STAM2: variants seen among roughly 807,000 people sequenced by gnomAD.
STAM2 encodes signal transducing adaptor molecule 2.
Under a neutral mutation model 65.6 loss-of-function variants are expected in STAM2, and 51 were observed. That is an observed-to-expected ratio of 0.78 (90% CI 0.62 to 0.98). The LOEUF (loss-of-function observed/expected upper bound fraction) is 0.98. Among genes scored for constraint, STAM2 ranks in the 50% least tolerant of loss-of-function variants. The pLI is 0.00. For synonymous variants in STAM2, 198 were observed against 208.4 expected, an observed-to-expected ratio of 0.95 and a Z score of 0.43; for missense variants, 584 against 617.8, an observed-to-expected ratio of 0.95 and a Z score of 0.58.
At chr2:152,160,497 C>T (rs1441036849) in intron 1 of STAM2, among the ~76,000 whole-genome samples, 5 of 151,968 alleles carry the variant, frequency 3.3e-5, no homozygotes, top group Non-Finnish European at 7.4e-5. Flanking sequence ...GCCCGGCAGC[C>T]GCCCCGTCTG....
intron 8 of STAM2, among the ~76,000 whole-genome samples, chr2:152,134,703 C>G (rs1689122766): frequency 2.6e-5 from 4 of 152,056 alleles, no homozygotes; most frequent in Non-Finnish European, 5.9e-5. Flanking sequence ...ATCTGTAAGA[C>G]AGGGCAACAA....
chr2:152,157,412 G>A (rs1440839943), intron 1 of STAM2, among the ~76,000 whole-genome samples: 2 of 152,174 alleles, frequency 1.3e-5, no homozygotes, highest in East Asian at 3.8e-4. Flanking sequence ...AGTAATTGTT[G>A]TTAAATGAGG....
intron 1 of STAM2, among the ~76,000 whole-genome samples, chr2:152,161,514 A>C (rs1001347397): frequency 4.0e-5 from 6 of 151,496 alleles, no homozygotes; most frequent in Non-Finnish European, 4.4e-5. Context: ...AAAAAAAAAA[A>C]AACATTATAT....
chr2:152,136,664 T>C (rs575737315), intron 7 of STAM2, among the ~76,000 whole-genome samples: 1 of 152,202 alleles, frequency 6.6e-6, no homozygotes, highest in South Asian at 2.1e-4. Context: ...TAATTTTATA[T>C]ATTAATACTT....
intron 7 of STAM2, among the ~76,000 whole-genome samples, chr2:152,137,107 C>T (rs1466141644): frequency 6.6e-6 from 1 of 152,018 alleles, no homozygotes; most frequent in Non-Finnish European, 1.5e-5. Flanking sequence ...CCAGGCTGGT[C>T]TCAAACTTTA....
chr2:152,150,052 T>TAG (rs1689413121), intron 2 of STAM2, 93 bp downstream of exon 2: 2 of 839,094 alleles, frequency 2.4e-6, no homozygotes, highest in East Asian at 5.2e-5. Context: ...TCAACTGTGA[T>TAG]AAAGTCTCAT....
chr2:152,121,726 C>T (rs1688856327), intron 13 of STAM2, among the ~76,000 whole-genome samples: 1 of 152,178 alleles, frequency 6.6e-6, no homozygotes, highest in Non-Finnish European at 1.5e-5. Context: ...CCTATAACTA[C>T]TGTGGCATAC....
At chr2:152,164,779 T>C (rs183297667) in intron 1 of STAM2, among the ~76,000 whole-genome samples, 4 of 152,192 alleles carry the variant, frequency 2.6e-5, no homozygotes, top group Non-Finnish European at 4.4e-5. Context: ...CTAGGAGGAG[T>C]TGAGAGAATT....
chr2:152,156,917 C>T (rs1026191164), intron 1 of STAM2, among the ~76,000 whole-genome samples: 2 of 152,072 alleles, frequency 1.3e-5, no homozygotes, highest in Non-Finnish European at 2.9e-5. Context: ...ACCAGACTTG[C>T]GATCCTACCA....
intron 11 of STAM2, among the ~76,000 whole-genome samples, chr2:152,130,472 C>T (rs1485767198): frequency 2.0e-5 from 3 of 151,848 alleles, no homozygotes; most frequent in South Asian, 4.2e-4. Context: ...AGGATGGTCT[C>T]GATCTCCTGA....
At position 152,119,734 on chromosome 2, in the gene STAM2, A is replaced by T. The variant is rs1345544177; in HGVS notation, c.*840T>A. The T allele has an allele frequency of 6.6e-6, 1 of 152,338 alleles. No homozygotes were observed. The highest frequency in any genetic ancestry group is 1.9e-4 in the East Asian group (1 of 5,192). The allele number at this position is 152,338 out of a possible 1,614,324, so 9.4% of individuals were successfully genotyped here. Reference sequence around the variant, plus strand: ...TGACAATTCTAAATACCAGAGATACATGTAGGAAAGAAAATGTTTTTCCTC... The same window carrying T: ...TGACAATTCTAAATACCAGAGATACTTGTAGGAAAGAAAATGTTTTTCCTC... On this transcript the variant is annotated 3_prime_UTR_variant, in exon 14 of 14. Transcript: ENST00000263904.
intron 1 of STAM2, among the ~76,000 whole-genome samples, chr2:152,167,248 C>T (rs1689804760): frequency 1.3e-5 from 2 of 152,160 alleles, no homozygotes; most frequent in Non-Finnish European, 2.9e-5. Context: ...CAACAGAGAT[C>T]GCCATAACAG....
Position 152,147,320 on chromosome 2 carries a change from A to C in STAM2, c.301-12T>G. On this transcript the variant is annotated splice_polypyrimidine_tract_variant and intron_variant, in intron 4 of 13. Transcript: ENST00000263904. ...ACTTTAGGATGTGCCTTTTAAGGAA[A>C]AGGAAAGGAAAATAAACAAAAATCT... 6.6e-7 allele frequency: 1 copy of C among 1,523,590 alleles called. No individual in the cohort carries two copies. 94.4% of individuals were successfully genotyped at this position (1,523,590 alleles called of 1,614,324 possible). A position where few individuals can be genotyped will look rare whatever the true frequency, so the allele number is the denominator to read the frequency against.
intron 12 of STAM2, chr2:152,124,210 T>A: frequency 2.8e-6 from 1 of 357,194 alleles, no homozygotes; most frequent in South Asian, 3.5e-5. Context: ...TTGCAATCTA[T>A]CCAGGTTGCC....
At chr2:152,135,462 G>C (rs752825117) in intron 8 of STAM2, 47 bp downstream of exon 8, 2 of 1,311,532 alleles carry the variant, frequency 1.5e-6, no homozygotes, top group South Asian at 2.5e-5. Context: ...TAAAATTTAA[G>C]TGAAAAAAAC....
chr2:152,122,944 G>A (rs1308526144), intron 13 of STAM2, among the ~76,000 whole-genome samples: 5 of 151,926 alleles, frequency 3.3e-5, no homozygotes, highest in Non-Finnish European at 5.9e-5. Flanking sequence ...GTGCTTGCCT[G>A]TAGTCCCAGC....
chr2:152,147,043 G>C (rs1015442366), intron 5 of STAM2, 119 bp downstream of exon 5: 26 of 935,334 alleles, frequency 2.8e-5, no homozygotes, highest in Middle Eastern at 5.5e-4. Context: ...ATGCTAGAGA[G>C]TCATTTGGGA....
At chr2:152,147,023 G>A (rs1022563573) in intron 5 of STAM2, 139 bp downstream of exon 5, 2 of 722,590 alleles carry the variant, frequency 2.8e-6, no homozygotes, top group South Asian at 5.7e-5. Flanking sequence ...CTAAACGTAA[G>A]GAAGGCACTA....
At chr2:152,135,893 C>T (rs1689144958) in intron 7 of STAM2, among the ~76,000 whole-genome samples, 2 of 151,562 alleles carry the variant, frequency 1.3e-5, no homozygotes, top group Non-Finnish European at 2.9e-5. Flanking sequence ...AGTTTGAGAT[C>T]AGCCTGTCCA....
Sources: allele counts gnomAD v4.1 joint callset (sites outside exome capture counted in the v4.1 genomes callset), GRCh38; gene constraint gnomAD v4.1.1; transcripts MANE v1.5; gene names NCBI Gene and HGNC (gene_info 2026-07-23, HGNC 2026-07-21).